The following SULF1 variants were observed in gnomAD, a reference collection of about 807,000 sequenced individuals.
SULF1 encodes the protein extracellular sulfatase Sulf-1.
Under a neutral mutation model 110.5 loss-of-function variants are expected in SULF1, and 46 were observed. The ratio of observed to expected loss-of-function variants is 0.42; its 90% CI spans 0.33 to 0.53. SULF1 has a LOEUF of 0.53. Among genes scored for constraint, SULF1 ranks in the 20% least tolerant of loss-of-function variants. SULF1 has a pLI of 0.12. For synonymous variants in SULF1, 371 were observed against 387.1 expected (o/e 0.96, Z 0.49); for missense variants, 941 against 1,094.2 (o/e 0.86, Z 1.98).
intron 3 of SULF1, among the ~76,000 whole-genome samples, chr8:69,508,699 G>A (rs540296651): frequency 2.0e-5 from 3 of 152,182 alleles, no homozygotes; most frequent in Middle Eastern, 3.4e-3. Flanking sequence ...ATTTTTACCC[G>A]AAAATGATTT....
chr8:69,544,476 T>G (rs921741833), intron 3 of SULF1, among the ~76,000 whole-genome samples: 3 of 151,844 alleles, frequency 2.0e-5, no homozygotes, highest in African/African-American at 7.3e-5. Context: ...ACCATGTTGG[T>G]CAGGCTGGTC....
At chr8:69,545,153 C>T (rs1814166272) in intron 3 of SULF1, among the ~76,000 whole-genome samples, 1 of 125,356 alleles carries the variant, frequency 8.0e-6, no homozygotes, top group Admixed American at 8.3e-5. Context: ...ACCCAGAAAC[C>T]TTAAACTGCC....
chr8:69,636,157 A>C (rs1311249285), intron 19 of SULF1, among the ~76,000 whole-genome samples: 1 of 152,196 alleles, frequency 6.6e-6, no homozygotes, highest in Non-Finnish European at 1.5e-5. Context: ...GGGCTCAAAC[A>C]CATCTTTCTC....
rs1169107744 is a variant in SULF1, at chr8:69,659,011, A to G, written c.*476A>G. On this transcript the variant is annotated 3_prime_UTR_variant, in exon 23 of 23. Transcript: ENST00000402687. ...GCATGAAGAGACTAATCATCTGGAA[A>G]CCGATTTCAGTGGCGATGGCATGAC... 1 of 457,334 alleles carries G rather than the reference A, an allele frequency of 2.2e-6. No individual in the cohort carries two copies. The highest frequency in any genetic ancestry group is 4.4e-6 in the Non-Finnish European group (1 of 227,208). 28.3% of individuals were successfully genotyped at this position (457,334 alleles called of 1,614,324 possible).
chr8:69,603,253 G>A lies in SULF1; in HGVS notation c.1123G>A (p.Asp375Asn), dbSNP rs749362185. 13 of 1,614,082 alleles carry A rather than the reference G, an allele frequency of 8.1e-6. No homozygotes were observed. The highest frequency in any genetic ancestry group is 5.5e-5 in the South Asian group (5 of 91,066). ...CACGATCCTGGATATTGCTGGGCTC[G>A]ACACACCTCCTGATGTGGACGGCAA... ...APTILDIAGL[D>N]TPPDVDGKSV... is the part of the protein sequence containing the mutation. Residue 375 changes from aspartate (D) to asparagine (N), a missense_variant, in exon 11 of 23, where the codon GAC (aspartate) becomes AAC (asparagine). Around this residue, in one of 3 missense-constraint regions of SULF1, gnomAD observed 822 missense variants for 934.3 expected, o/e 0.88. Transcript: ENST00000402687.
At chr8:69,553,830 A>T (rs1191762019) in intron 3 of SULF1, among the ~76,000 whole-genome samples, 1 of 152,182 alleles carries the variant, frequency 6.6e-6, no homozygotes, top group Non-Finnish European at 1.5e-5. Context: ...CTTTCTATGC[A>T]GGATGTTTTA....
chr8:69,540,982 A>T (rs1224964818), intron 3 of SULF1, among the ~76,000 whole-genome samples: 1 of 152,150 alleles, frequency 6.6e-6, no homozygotes, highest in African/African-American at 2.4e-5. Flanking sequence ...AGAATTTCTA[A>T]TCTTGAAAGC....
intron 22 of SULF1, among the ~76,000 whole-genome samples, chr8:69,657,791 C>T (rs1812840447): frequency 6.6e-6 from 1 of 152,150 alleles, no homozygotes; most frequent in South Asian, 2.1e-4. Context: ...AACTAGAGAA[C>T]AAGTGTTATT....
Position 69,659,271 on chromosome 8 carries a change from G to A in SULF1, c.*736G>A. The A allele has an allele frequency of 2.2e-6, 1 of 449,496 alleles. No individual in the cohort carries two copies. Among genetic ancestry groups the A allele is most frequent in the South Asian group, 1.6e-5 (1 of 63,172 alleles). 27.8% of individuals were successfully genotyped at this position (449,496 alleles called of 1,614,324 possible). ...AGGTGGAGAAGAATCACGAAAAGGA[G>A]AAGTCACAGCACCTAGAAGGCAGCG... is the stretch of plus-strand genomic sequence containing the variant. On this transcript the variant is annotated 3_prime_UTR_variant, in exon 23 of 23. Transcript: ENST00000402687.
intron 13 of SULF1, among the ~76,000 whole-genome samples, chr8:69,616,220 A>ACACATATATATGTGTGTGTG: frequency 6.9e-6 from 1 of 145,738 alleles, no homozygotes; most frequent in East Asian, 2.0e-4. Context: ...GTATATATAT[A>ACACATATATATGTGTGTGTG]TATATATATA....
intron 1 of SULF1, among the ~76,000 whole-genome samples, chr8:69,470,762 A>G (rs1233678888): frequency 6.6e-6 from 1 of 152,180 alleles, no homozygotes; most frequent in Non-Finnish European, 1.5e-5. Context: ...TTTCAGTCCT[A>G]TTCTAATGTG....
intron 1 of SULF1, among the ~76,000 whole-genome samples, chr8:69,493,785 CTTTTT>C: frequency 6.6e-6 from 1 of 152,274 alleles, no homozygotes; most frequent in South Asian, 2.1e-4. Flanking sequence ...TGGACACTAA[CTTTTT>C]AAGCACAGGC....
intron 3 of SULF1, among the ~76,000 whole-genome samples, chr8:69,528,847 T>C (rs1812880104): frequency 6.6e-6 from 1 of 152,184 alleles, no homozygotes. Context: ...CTGTCTGTTT[T>C]AGGTTTCAAA....
chr8:69,573,735 C>G (rs1805406390), intron 5 of SULF1, among the ~76,000 whole-genome samples: 1 of 152,244 alleles, frequency 6.6e-6, no homozygotes, highest in Admixed American at 6.5e-5. Context: ...CCACTTATCT[C>G]CAGGATATTC....
intron 1 of SULF1, among the ~76,000 whole-genome samples, chr8:69,485,199 T>C (rs1259381413): frequency 6.6e-6 from 1 of 152,204 alleles, no homozygotes; most frequent in Non-Finnish European, 1.5e-5. Flanking sequence ...TTTATTTGCA[T>C]AAATTTTCCC....
chr8:69,629,712 C>T lies in SULF1; in HGVS notation c.2284+33C>T, dbSNP rs371630002. Reference sequence around the variant, plus strand: ...GCTTGTTCCAAATGCCACTTCCTGCCGCCATGCAGAGACAGCGACTCATAA... The same window carrying T: ...GCTTGTTCCAAATGCCACTTCCTGCTGCCATGCAGAGACAGCGACTCATAA... On this transcript the variant is annotated intron_variant, in intron 19 of 22. Coordinates refer to ENST00000402687, the MANE Select transcript of SULF1 (RefSeq NM_001128205.2). The T allele has an allele frequency of 5.9e-5, 92 of 1,548,906 alleles. No individual in the cohort carries two copies. In the African/African-American group the frequency reaches 7.6e-4, roughly 13 times the overall value.
chr8:69,528,117 G>GC (rs1451175568), intron 3 of SULF1, among the ~76,000 whole-genome samples: 2 of 152,058 alleles, frequency 1.3e-5, no homozygotes, highest in Non-Finnish European at 2.9e-5. Context: ...CTTGCCCTTT[G>GC]CCCCCACAGG....
chr8:69,546,789 A>G (rs1814289569), intron 3 of SULF1, among the ~76,000 whole-genome samples: 1 of 152,238 alleles, frequency 6.6e-6, no homozygotes, highest in South Asian at 2.1e-4. Context: ...AATGTTGCTA[A>G]AATTATTAGG....
At chr8:69,467,769 A>C (rs1808915776) in intron 1 of SULF1, among the ~76,000 whole-genome samples, 1 of 152,234 alleles carries the variant, frequency 6.6e-6, no homozygotes, top group Admixed American at 6.5e-5. Flanking sequence ...AAACGTAAAT[A>C]GATTTTCAGG....
Sources: allele counts gnomAD v4.1 joint callset (sites outside exome capture counted in the v4.1 genomes callset), GRCh38; gene constraint gnomAD v4.1.1; regional missense constraint gnomAD v4.1.1; transcripts MANE v1.5; gene names NCBI Gene and HGNC (gene_info 2026-07-23, HGNC 2026-07-21).